The following TMEM229B variants were observed in gnomAD, a reference collection of about 807,000 sequenced individuals.
The protein encoded by TMEM229B is chromosome 14 open reading frame 83.
Under a neutral mutation model 13.7 loss-of-function variants are expected in TMEM229B, and 6 were observed. The ratio of observed to expected loss-of-function variants is 0.44; its 90% confidence interval spans 0.24 to 0.86. The LOEUF (loss-of-function observed/expected upper bound fraction) is 0.86. Among genes scored for constraint, TMEM229B ranks in the 40% least tolerant of loss-of-function variants. The pLI, the probability that TMEM229B is intolerant of heterozygous loss-of-function variation, is 0.23. For missense variants in TMEM229B, 170 were observed against 236.0 expected (o/e 0.72, Z 1.83); for synonymous variants, 107 against 102.1 (o/e 1.05, Z -0.29).
chr14:67,484,215 T>C (rs1232196516), intron 2 of TMEM229B, among the ~76,000 whole-genome samples: 2 of 152,140 alleles, frequency 1.3e-5, no homozygotes, highest in African/African-American at 4.8e-5. Context: ...AATGAAAACT[T>C]CATGAGAGCA....
chr14:67,501,817 A>G (rs1295014013), intron 1 of TMEM229B, among the ~76,000 whole-genome samples: 1 of 152,198 alleles, frequency 6.6e-6, no homozygotes, highest in Admixed American at 6.5e-5. Flanking sequence ...CATAATCCTC[A>G]CAGCAGGGTC....
At chr14:67,504,874 G>T (rs946596420) in intron 1 of TMEM229B, among the ~76,000 whole-genome samples, 1 of 152,122 alleles carries the variant, frequency 6.6e-6, no homozygotes, top group Non-Finnish European at 1.5e-5. Context: ...CAACAAGAGC[G>T]ACACTCCGTC....
chr14:67,517,214 C>T (rs971243724), upstream of TMEM229B, among the ~76,000 whole-genome samples: 3 of 152,300 alleles, frequency 2.0e-5, no homozygotes, highest in African/African-American at 7.2e-5. Context: ...CCCCTGTGCC[C>T]CCTTGCCACG....
At chr14:67,492,723 A>T (rs915295091), upstream of TMEM229B, among the ~76,000 whole-genome samples, 1 of 152,226 alleles carries the variant, frequency 6.6e-6, no homozygotes, top group Non-Finnish European at 1.5e-5. Flanking sequence ...AGATTTCTAA[A>T]CAACAAGGGA....
At chr14:67,487,361 A>G (rs971909072) in intron 1 of TMEM229B, among the ~76,000 whole-genome samples, 189 bp from the exon 2 acceptor site, 14 of 152,200 alleles carry the variant, frequency 9.2e-5, no homozygotes, top group African/African-American at 3.1e-4. Context: ...ATCCAGCCAC[A>G]AAAGTCTGGG....
chr14:67,493,058 C>T (rs146314861), upstream of TMEM229B, among the ~76,000 whole-genome samples: 265 of 152,182 alleles, frequency 1.7e-3, 2 homozygotes, highest in African/African-American at 5.9e-3. Flanking sequence ...GAGAAGAAGC[C>T]GTGCAAAGAA....
rs536401149 is a variant in TMEM229B at position 67,471,556 on chromosome 14, G to A, written c.*1864C>T. The A allele has an allele frequency of 2.0e-5, 3 of 152,298 alleles. No individual in the cohort carries two copies. The highest frequency in any genetic ancestry group is 6.5e-5 in the Admixed American group (1 of 15,294). 9.4% of individuals were successfully genotyped at this position (152,298 alleles called of 1,614,324 possible). A position where few individuals can be genotyped will look rare whatever the true frequency, so the allele number is the denominator to read the frequency against. On this transcript the variant is annotated 3_prime_UTR_variant, in exon 3 of 3. Transcript: ENST00000554480. ...TAACCCCCAAAGCCCTGGAATTGGG[G>A]CCACAATAAAATCAAAAGGAGGGCT...
intron 1 of TMEM229B, among the ~76,000 whole-genome samples, chr14:67,509,833 A>C (rs918405343): frequency 3.9e-5 from 6 of 151,984 alleles, no homozygotes; most frequent in African/African-American, 1.2e-4. Context: ...ATAGCGAGTT[A>C]TAAAGACTCT....
chr14:67,525,203 A>T (rs2033348279), intron 1 of TMEM229B, among the ~76,000 whole-genome samples: 1 of 152,314 alleles, frequency 6.6e-6, no homozygotes, highest in East Asian at 1.9e-4. Context: ...CTCTGGGAAA[A>T]ATAATTCTAC....
Position 67,479,410 on chromosome 14 carries a change from C to CAA in TMEM229B, c.-18-5471_-18-5470dup, listed in dbSNP as rs149239926. On this transcript the variant is annotated intron_variant, in intron 2 of 2. Transcript: ENST00000554480. ...TGGGCTACAGAGCAAGACTCTGTCT[C>CAA]AAAAAAAAAAAAAAATGCTTGTGGA... Among the ~76,000 whole-genome samples the CAA allele has an allele frequency of 8.8e-3, 1,102 of 125,938 alleles. 9 individuals carry two copies. Among genetic ancestry groups the CAA allele is most frequent in the Middle Eastern group, 0.04 (8 of 200 alleles). The allele number at this position is 125,938 out of a possible 152,430, so 82.6% of individuals were successfully genotyped here.
At chr14:67,480,836 C>G (rs944522372) in intron 2 of TMEM229B, among the ~76,000 whole-genome samples, 2 of 152,172 alleles carry the variant, frequency 1.3e-5, no homozygotes, top group Non-Finnish European at 1.5e-5. Context: ...TCTGGGATGG[C>G]CCAGACCGGT....
intron 1 of TMEM229B, among the ~76,000 whole-genome samples, chr14:67,503,862 C>G (rs1410927056): frequency 2.0e-5 from 3 of 151,292 alleles, no homozygotes; most frequent in Non-Finnish European, 4.4e-5. Context: ...CACCACCATG[C>G]CTGGTTAATT....
chr14:67,496,391 G>GTTTTTGTTTT lies in TMEM229B; in HGVS notation c.-191-9220_-191-9219insAAAACAAAAA, dbSNP rs2032370182. Among the ~76,000 whole-genome samples, 2 of 30,108 alleles carry GTTTTTGTTTT rather than the reference G, an allele frequency of 6.6e-5. 1 individual carries two copies. The highest frequency in any genetic ancestry group is 4.3e-3 in the South Asian group (2 of 466). The allele number at this position is 30,108 out of a possible 152,430, so 19.8% of individuals were successfully genotyped here. A position where few individuals can be genotyped will look rare whatever the true frequency, so the allele number is the denominator to read the frequency against. On this transcript the variant is annotated intron_variant, in intron 1 of 2. Transcript: ENST00000357461. The stretch of plus-strand genomic sequence containing the variant: ...TACAGGTGTGAGCCACTGCTCCGGC[G>GTTTTTGTTTT]TTTTTTTTTTTTTTTTTTTTTTTTT...
chr14:67,515,665 C>T (rs2033184239), upstream of TMEM229B, among the ~76,000 whole-genome samples: 1 of 152,176 alleles, frequency 6.6e-6, no homozygotes, highest in Admixed American at 6.5e-5. Context: ...GGCTCTTCGG[C>T]CCTCCCTGTC....
chr14:67,478,976 G>A (rs1008761215), intron 2 of TMEM229B, among the ~76,000 whole-genome samples: 1 of 152,124 alleles, frequency 6.6e-6, no homozygotes. Context: ...ATGCATATGT[G>A]CACATATACA....
At chr14:67,476,323 A>G (rs1050117516) in intron 2 of TMEM229B, among the ~76,000 whole-genome samples, 1 of 152,244 alleles carries the variant, frequency 6.6e-6, no homozygotes, top group African/African-American at 2.4e-5. Flanking sequence ...GCAGTGGCTC[A>G]CACCTGTAAT....
chr14:67,518,159 AAC>A (rs2033236572), upstream of TMEM229B, among the ~76,000 whole-genome samples: 1 of 152,206 alleles, frequency 6.6e-6, no homozygotes, highest in African/African-American at 2.4e-5. Flanking sequence ...CTGCTGCACT[AAC>A]ACACACCAAA....
chr14:67,521,201 C>T (rs2033286283), intron 1 of TMEM229B, among the ~76,000 whole-genome samples: 1 of 152,148 alleles, frequency 6.6e-6, no homozygotes, highest in African/African-American at 2.4e-5. Context: ...TCATTATCAC[C>T]CAAAGTCCAT....
At chr14:67,500,094 T>C (rs2032543526) in intron 1 of TMEM229B, among the ~76,000 whole-genome samples, 1 of 152,000 alleles carries the variant, frequency 6.6e-6, no homozygotes, top group African/African-American at 2.4e-5. Context: ...GCTACTCACG[T>C]GGGAGGATAC....
Sources: gnomAD v4.1 joint callset for allele counts (sites outside exome capture counted in the v4.1 genomes callset) on GRCh38, gnomAD v4.1.1 for gene constraint, MANE v1.5 for transcripts, NCBI Gene and HGNC (gene_info 2026-07-23, HGNC 2026-07-21) for gene names.